NMRK1: variants seen among roughly 807,000 people sequenced by gnomAD.
The protein encoded by NMRK1 is nicotinamide riboside kinase 1.
NMRK1 carries 28 observed loss-of-function variants against 29.9 expected under a neutral mutation model. That is an observed-to-expected ratio of 0.94 (90% CI 0.69 to 1.28). NMRK1 has a LOEUF of 1.28. Ranked by LOEUF, NMRK1 falls within the 50% of genes most tolerant of loss-of-function variation. The pLI is 0.00. For missense variants in NMRK1, 218 were observed against 233.1 expected (o/e 0.94, Z 0.42); for synonymous variants, 58 against 73.0 (o/e 0.79, Z 1.05).
At chr9:75,063,861 C>G (rs1823183949) in intron 8 of NMRK1, among the ~76,000 whole-genome samples, 1 of 152,018 alleles carries the variant, frequency 6.6e-6, no homozygotes, top group South Asian at 2.1e-4. Context: ...TGATAGGTTA[C>G]TAGAAATAAA....
intron 4 of NMRK1, among the ~76,000 whole-genome samples, chr9:75,070,984 T>G (rs1823664982): frequency 6.6e-6 from 1 of 150,722 alleles, no homozygotes; most frequent in Non-Finnish European, 1.5e-5. Context: ...CCTTCTCTAT[T>G]TTTTTTTTAA....
intron 2 of NMRK1, chr9:75,078,549 T>G (rs780185116): frequency 4.6e-5 from 59 of 1,279,554 alleles, no homozygotes; most frequent in Middle Eastern, 2.8e-4. Context: ...ATTCAGTCAT[T>G]TATTGAAAGC....
At chr9:75,064,468 G>A (rs1174517011) in intron 8 of NMRK1, among the ~76,000 whole-genome samples, 1 of 152,190 alleles carries the variant, frequency 6.6e-6, no homozygotes, top group Non-Finnish European at 1.5e-5. Flanking sequence ...ATCCACTCAT[G>A]TTGGTGCTCT....
chr9:75,068,860 CA>C (rs1428738677), intron 7 of NMRK1, 135 bp downstream of exon 7: 22 of 586,574 alleles, frequency 3.8e-5, no homozygotes, highest in Non-Finnish European at 4.9e-5. Context: ...CCAGGAGAAC[CA>C]GCTATGGAAA....
chr9:75,066,788 T>C lies in NMRK1; in HGVS notation c.549A>G (p.Glu183=), dbSNP rs1292836495. The part of the protein sequence containing the change: ...SEEDLFLQVY[E]DLIQELAKQK... ...GCTTTGCTAGTTCTTGTATTAGATC[T>C]TCATATACTTGCAAAAAGAGGTCCT... is the stretch of plus-strand genomic sequence containing the variant. Residue 183 remains glutamate (E), a synonymous_variant, in exon 8 of 9, where the codon GAA becomes GAG. Transcript: ENST00000361092. 1.9e-6 allele frequency: 3 copies of C among 1,609,004 alleles called. No individual in the cohort carries two copies. Among genetic ancestry groups the C allele is most frequent in the Admixed American group, 1.7e-5 (1 of 59,998 alleles).
In NMRK1 at chr9:75,061,549, T is replaced by C. The variant is rs1186675768; in HGVS notation, c.599A>G (p.Ter200=). ...AKQKCLQVTA[*] ...GGAAGGATTTGTTGTGTTCCGTCTT[T>C]ATGCTGTCACTTGCAAACCTTGGGA... is the stretch of plus-strand genomic sequence containing the variant. Residue 200 remains the stop codon, a stop_retained_variant, in exon 9 of 9, where the codon TAA becomes TGA. Coordinates refer to ENST00000361092, the MANE Select transcript of NMRK1 (RefSeq NM_017881.3). The C allele has an allele frequency of 6.2e-7, 1 of 1,610,660 alleles. No individual in the cohort carries two copies. Among genetic ancestry groups the C allele is most frequent in the Middle Eastern group, 1.7e-4 (1 of 6,048 alleles).
chr9:75,083,162 A>AAAAC lies in NMRK1; in HGVS notation c.-35-16_-35-13dup. 2 of 1,320,202 alleles carry AAAAC rather than the reference A, an allele frequency of 1.5e-6. No individual in the cohort carries two copies. Among genetic ancestry groups the AAAAC allele is most frequent in the Non-Finnish European group, 2.2e-6 (2 of 913,478 alleles). 81.8% of individuals were successfully genotyped at this position (1,320,202 alleles called of 1,614,324 possible). A position where few individuals can be genotyped will look rare whatever the true frequency, so the allele number is the denominator to read the frequency against. ...CTTCCTAATATTTCCTAAAAGTAAA[A>AAAAC]AAACAAACAAACAAATCAAATGCAT... On this transcript the variant is annotated splice_polypyrimidine_tract_variant and intron_variant, in intron 1 of 8. Transcript: ENST00000361092.
intron 1 of NMRK1, among the ~76,000 whole-genome samples, chr9:75,087,147 C>A (rs1824703592): frequency 6.6e-6 from 1 of 152,202 alleles, no homozygotes; most frequent in East Asian, 1.9e-4. Flanking sequence ...CCTCGTGATC[C>A]ACCCGCCTTG....
chr9:75,069,072 C>T lies in NMRK1; in HGVS notation c.420G>A (p.Pro140=), dbSNP rs148825392. 6.1e-5 allele frequency: 99 copies of T among 1,613,902 alleles called. No individual in the cohort carries two copies. Among genetic ancestry groups the T allele is most frequent in the Admixed American group, 2.0e-4 (12 of 59,994 alleles). ...GCCACACATGGCCATCAAAGTATCC[C>T]GGAGAGTCTGGAGGCTGATAGACCC... ...STRVYQPPDS[P]GYFDGHVWPM... The change falls in exon 7 of 9, where the codon CCG becomes CCA. Residue 140 remains proline, a synonymous_variant. Transcript: ENST00000361092.
intron 6 of NMRK1, 131 bp from the exon 7 acceptor site, chr9:75,069,233 A>C (rs1344001502): frequency 1.6e-6 from 1 of 607,872 alleles, no homozygotes; most frequent in Non-Finnish European, 2.9e-6. Context: ...CATGTACTAC[A>C]TGTTTTAACT....
chr9:75,065,333 C>T (rs1194129475), intron 8 of NMRK1, among the ~76,000 whole-genome samples: 4 of 152,022 alleles, frequency 2.6e-5, no homozygotes, highest in African/African-American at 7.2e-5. Context: ...CCACACCTGG[C>T]TAATTTTTTG....
chr9:75,070,110 T>C (rs1823616298), intron 4 of NMRK1, 68 bp from the exon 5 acceptor site: 1 of 1,279,776 alleles, frequency 7.8e-7, no homozygotes, highest in Non-Finnish European at 1.1e-6. Context: ...CTTTTTGTGA[T>C]GAGTATATCC....
intron 3 of NMRK1, 83 bp downstream of exon 3, chr9:75,077,407 A>G: frequency 9.1e-7 from 1 of 1,096,330 alleles, no homozygotes; most frequent in Non-Finnish European, 1.4e-6. Flanking sequence ...TCTCTAGCCA[A>G]AGACTTCTTG....
rs749882681 is a variant in NMRK1 at position 75,069,117 on chromosome 9, A to G, written c.390-15T>C. The G allele has an allele frequency of 1.9e-6, 3 of 1,555,756 alleles. No individual in the cohort carries two copies. The South Asian group carries it at 3.4e-5, about 17-fold the overall frequency. On this transcript the variant is annotated splice_polypyrimidine_tract_variant and intron_variant, in intron 6 of 8. Transcript: ENST00000361092. ...AGACCCTTGTACTATCAAAACACGT[A>G]GGAAACTTTATGTTGACAGAAACAC...
chr9:75,061,677 G>A (rs757421764), intron 8 of NMRK1, 110 bp from the exon 9 acceptor site: 2 of 886,792 alleles, frequency 2.3e-6, no homozygotes, highest in Non-Finnish European at 3.5e-6. Context: ...AGGGATTCTG[G>A]AGCCAAAAAT....
At chr9:75,069,143 A>G (rs201383312) in intron 6 of NMRK1, 41 bp from the exon 7 acceptor site, 2 of 1,340,830 alleles carry the variant, frequency 1.5e-6, no homozygotes, top group South Asian at 1.2e-5. Context: ...ACAGAAACAC[A>G]CAATTGATAA....
rs117366822 is a variant in NMRK1 at position 75,061,328 on chromosome 9, C to T, written c.*220G>A. ...CACTGTGAGCTCTGCTGTATCTATG[C>T]GCTCCCTGGAGAGGGAGCAACTTGC... On this transcript the variant is annotated 3_prime_UTR_variant, in exon 9 of 9. Transcript: ENST00000361092. The T allele has an allele frequency of 2.1e-3, 1,030 of 500,882 alleles. 8 individuals carry two copies. The East Asian group carries it at 0.027, about 13-fold the overall frequency. 31.0% of individuals were successfully genotyped at this position (500,882 alleles called of 1,614,324 possible). A position where few individuals can be genotyped will look rare whatever the true frequency, so the allele number is the denominator to read the frequency against.
chr9:75,067,008 C>A, intron 7 of NMRK1, 168 bp from the exon 8 acceptor site: 1 of 511,192 alleles, frequency 2.0e-6, no homozygotes. Context: ...TAGATGCTAG[C>A]CAGCTATAAT....
chr9:75,083,817 T>C lies in NMRK1; in HGVS notation c.-35-667A>G, dbSNP rs554293991. ...CCAAGAGGCAAAATCTAGGTTGTTA[T>C]GTATGGACTTATATAACAAGAGAAA... On this transcript the variant is annotated intron_variant, in intron 1 of 8. Transcript: ENST00000361092. Among the ~76,000 whole-genome samples the C allele has an allele frequency of 1.3e-4, 20 of 152,362 alleles. No individual in the cohort carries two copies. In the East Asian group the frequency reaches 1.5e-3, roughly 12 times the overall value.
Sources: allele counts gnomAD v4.1 joint callset (sites outside exome capture counted in the v4.1 genomes callset), GRCh38; gene constraint gnomAD v4.1.1; transcripts MANE v1.5; gene names NCBI Gene and HGNC (gene_info 2026-07-23, HGNC 2026-07-21).